Variants in DENND3 observed in about 807,000 individuals in gnomAD.
DENND3 encodes the protein DENN domain-containing protein 3.
DENND3 carries 88 observed loss-of-function variants against 135.1 expected under a neutral mutation model. The ratio of observed to expected loss-of-function variants is 0.65; its 90% CI spans 0.55 to 0.78. The LOEUF is 0.78. Among genes scored for constraint, DENND3 ranks in the 30% least tolerant of loss-of-function variants. DENND3 has a pLI of 0.00. For missense variants in DENND3, 1,392 were observed against 1,688.4 expected, an observed-to-expected ratio of 0.82 and a Z score of 3.08; for synonymous variants, 693 against 712.3, an observed-to-expected ratio of 0.97 and a Z score of 0.43.
chr8:141,174,770 C>G lies in DENND3; in HGVS notation c.2276-430C>G, dbSNP rs937161208. On this transcript the variant is annotated intron_variant, in intron 13 of 22. Transcript: ENST00000519811. The surrounding 1 kb of genome is among the most constrained non-coding windows in gnomAD (Gnocchi z 4.6). ...GCAGCGGCGCTAAGGATCCAACCTT[C>G]CCGGCGTTAGCTTCATCCTAGGACT... Among the ~76,000 whole-genome samples, 1 of 152,214 alleles carries G rather than the reference C, an allele frequency of 6.6e-6. No homozygotes were observed. Among genetic ancestry groups the G allele is most frequent in the African/African-American group, 2.4e-5 (1 of 41,446 alleles).
intron 15 of DENND3, 87 bp downstream of exon 15, chr8:141,176,848 G>T (rs1569556515): frequency 1.3e-6 from 2 of 1,484,698 alleles, no homozygotes; most frequent in South Asian, 2.4e-5. Flanking sequence ...GTCCTCAGCT[G>T]TGAGTGCTCG....
intron 13 of DENND3, among the ~76,000 whole-genome samples, chr8:141,173,338 G>A (rs772063551): frequency 3.3e-5 from 5 of 152,152 alleles, no homozygotes; most frequent in Admixed American, 6.5e-5. Context: ...AAATACCGAC[G>A]GGCCAAAAGA....
At position 141,194,247 on chromosome 8, in the gene DENND3, T is replaced by C; in HGVS notation, c.*14T>C. 2 of 1,609,008 alleles carry C rather than the reference T, an allele frequency of 1.2e-6. No homozygotes were observed. The highest frequency in any genetic ancestry group is 1.7e-6 in the Non-Finnish European group (2 of 1,178,624). On this transcript the variant is annotated 3_prime_UTR_variant, in exon 23 of 23. Transcript: ENST00000519811. Reference sequence around the variant, plus strand: ...AAAGGCGAATAAACGTGGCTGAGTCTGCCAAGTGGAACTGTGCCCTATGTG... The same window carrying C: ...AAAGGCGAATAAACGTGGCTGAGTCCGCCAAGTGGAACTGTGCCCTATGTG...
At position 141,144,100 on chromosome 8, in the gene DENND3, C is replaced by A; in HGVS notation, c.624-48C>A. The A allele has an allele frequency of 6.8e-7, 1 of 1,463,874 alleles. No individual in the cohort carries two copies. The highest frequency in any genetic ancestry group is 9.5e-7 in the Non-Finnish European group (1 of 1,053,752). The allele number at this position is 1,463,874 out of a possible 1,614,324, so 90.7% of individuals were successfully genotyped here. A position where few individuals can be genotyped will look rare whatever the true frequency, so the allele number is the denominator to read the frequency against. On this transcript the variant is annotated intron_variant, in intron 4 of 22. Transcript: ENST00000519811. The surrounding 1 kb of genome is among the most constrained non-coding windows in gnomAD (Gnocchi z 4.4). ...TTAGAAACGCTAACGATGACAACTG[C>A]GTTCTCATCTTTATTTTGCGGTTTG...
At chr8:141,163,570 T>C (rs1007738518) in intron 10 of DENND3, 141 bp downstream of exon 10, 2 of 516,692 alleles carry the variant, frequency 3.9e-6, no homozygotes, top group African/African-American at 3.9e-5. Context: ...CTTTTGACCA[T>C]GTGGCTCTCC....
At chr8:141,186,337 C>T (rs1355629616) in intron 18 of DENND3, among the ~76,000 whole-genome samples, 2 of 152,152 alleles carry the variant, frequency 1.3e-5, no homozygotes, top group Non-Finnish European at 2.9e-5. Context: ...CCACCTGTCC[C>T]CACGTGCCAG....
At chr8:141,143,089 G>A (rs2154612803) in intron 4 of DENND3, 2 of 152,292 alleles carry the variant, frequency 1.3e-5, no homozygotes, top group Admixed American at 1.3e-4. Context: ...TACAGAAACA[G>A]AATACAGCCA....
chr8:141,140,335 G>A (rs1817299479), intron 3 of DENND3, among the ~76,000 whole-genome samples: 1 of 152,306 alleles, frequency 6.6e-6, no homozygotes, highest in South Asian at 2.1e-4. Context: ...CCGGGCTACT[G>A]TAACAGTAGC....
In DENND3 at chr8:141,175,088, A is replaced by T; in HGVS notation, c.2276-112A>T. The T allele has an allele frequency of 1.5e-6, 2 of 1,317,456 alleles. No individual in the cohort carries two copies. The highest frequency in any genetic ancestry group is 2.1e-6 in the Non-Finnish European group (2 of 965,726). 81.6% of individuals were successfully genotyped at this position (1,317,456 alleles called of 1,614,324 possible). A position where few individuals can be genotyped will look rare whatever the true frequency, so the allele number is the denominator to read the frequency against. Reference sequence around the variant, plus strand: ...ATCCAGCGCCCTGAGTGCTGGCGCCACCTGCTGCCGGGTTCCGGTAGTGTG... The same window carrying T: ...ATCCAGCGCCCTGAGTGCTGGCGCCTCCTGCTGCCGGGTTCCGGTAGTGTG... On this transcript the variant is annotated intron_variant, in intron 13 of 22. Transcript: ENST00000519811. This position sits in a 1 kb window ranked among gnomAD's most constrained non-coding sequence, Gnocchi z 5.4.
chr8:141,162,463 T>C (rs1353140653), intron 9 of DENND3, among the ~76,000 whole-genome samples: 1 of 152,162 alleles, frequency 6.6e-6, no homozygotes, highest in African/African-American at 2.4e-5. Context: ...TGATTACATA[T>C]GATAAAACTT....
chr8:141,189,461 G>A (rs1363593070), intron 19 of DENND3, among the ~76,000 whole-genome samples: 3 of 152,224 alleles, frequency 2.0e-5, no homozygotes, highest in African/African-American at 7.2e-5. Context: ...CACCAGCCAT[G>A]GTGTCAGAAG....
At chr8:141,169,497 G>A (rs1454464476) in intron 13 of DENND3, among the ~76,000 whole-genome samples, 4 of 152,228 alleles carry the variant, frequency 2.6e-5, no homozygotes, top group Non-Finnish European at 4.4e-5. Context: ...ACATGCAAAA[G>A]CGGGGACGTG....
intron 18 of DENND3, among the ~76,000 whole-genome samples, chr8:141,185,921 A>C (rs4324959): frequency 0.085 from 12,969 of 151,922 alleles, 1,882 homozygotes; most frequent in African/African-American, 0.3. Context: ...TACAGGCTTC[A>C]CACACTTTGG....
At chr8:141,192,111 T>G in intron 20 of DENND3, 1 of 503,924 alleles carries the variant, frequency 2.0e-6, no homozygotes, top group Non-Finnish European at 3.4e-6. Context: ...TGCCCATATA[T>G]TTACGTTTTC....
At chr8:141,145,361 A>C (rs918610460) in intron 5 of DENND3, among the ~76,000 whole-genome samples, 1 of 151,972 alleles carries the variant, frequency 6.6e-6, no homozygotes, top group Non-Finnish European at 1.5e-5. Flanking sequence ...ACCAACCTCA[A>C]CCTTCCATGG....
chr8:141,154,208 G>A lies in DENND3; in HGVS notation c.1075-1641G>A, dbSNP rs902435793. Among the ~76,000 whole-genome samples the A allele has an allele frequency of 2.6e-5, 4 of 152,230 alleles. No homozygotes were observed. Among genetic ancestry groups the A allele is most frequent in the African/African-American group, 9.6e-5 (4 of 41,458 alleles). ...GGCCCAGAATGAGAGCCGGGGAGTC[G>A]GGGCCTTCCCCAGGAACCTGGCATT... On this transcript the variant is annotated intron_variant, in intron 7 of 22. Coordinates refer to ENST00000519811, the MANE Select transcript of DENND3 (RefSeq NM_001352890.3). The surrounding 1 kb of genome is among the most constrained non-coding windows in gnomAD (Gnocchi z 4.4).
chr8:141,150,227 C>A, intron 5 of DENND3: 3 of 978,020 alleles, frequency 3.1e-6, no homozygotes, highest in Non-Finnish European at 4.1e-6. Context: ...TCCTGGCAGG[C>A]TCAGAAGCCC....
chr8:141,155,136 C>T (rs549263388), intron 7 of DENND3, among the ~76,000 whole-genome samples: 1 of 152,202 alleles, frequency 6.6e-6, no homozygotes, highest in East Asian at 1.9e-4. Context: ...GGGAGCTGTG[C>T]TGGATAGTGA....
chr8:141,128,925 T>A lies in DENND3; in HGVS notation c.102+116T>A. 1 of 772,770 alleles carries A rather than the reference T, an allele frequency of 1.3e-6. No individual in the cohort carries two copies. Among genetic ancestry groups the A allele is most frequent in the Non-Finnish European group, 1.8e-6 (1 of 549,566 alleles). The allele number at this position is 772,770 out of a possible 1,614,324, so 47.9% of individuals were successfully genotyped here. On this transcript the variant is annotated intron_variant, in intron 1 of 22. Transcript: ENST00000519811. This position sits in a 1 kb window ranked among gnomAD's most constrained non-coding sequence, Gnocchi z 4.5. Reference sequence around the variant, plus strand: ...TGGCGCGGACTTTCCGAGGGCTGAGTCCCGGTCCCCCGGCGGTGACCCCGC... The same window carrying A: ...TGGCGCGGACTTTCCGAGGGCTGAGACCCGGTCCCCCGGCGGTGACCCCGC...
Sources: gnomAD v4.1 joint callset for allele counts (sites outside exome capture counted in the v4.1 genomes callset) on GRCh38, gnomAD v4.1.1 for gene constraint, Gnocchi (gnomAD v3.1) non-coding constraint, MANE v1.5 for transcripts, NCBI Gene and HGNC (gene_info 2026-07-23, HGNC 2026-07-21) for gene names.